Variants in RMND5B observed in about 807,000 individuals in gnomAD.
The protein encoded by RMND5B is required for meiotic nuclear division 5 homolog B, also known as E3 ubiquitin-protein transferase RMND5B.
RMND5B carries 42 observed loss-of-function variants against 50.4 expected under a neutral mutation model. The ratio of observed to expected loss-of-function variants is 0.83; its 90% CI spans 0.65 to 1.08. RMND5B has a LOEUF of 1.08. Ranked by LOEUF, RMND5B falls within the 50% of genes least tolerant of loss-of-function variation. The pLI is 0.00. For synonymous variants in RMND5B, 220 were observed against 210.0 expected, an observed-to-expected ratio of 1.05 and a Z score of -0.41; for missense variants, 463 against 508.5, an observed-to-expected ratio of 0.91 and a Z score of 0.86.
intron 2 of RMND5B, among the ~76,000 whole-genome samples, chr5:178,132,553 TTACA>T (rs1156661244): frequency 2.0e-5 from 3 of 151,780 alleles, no homozygotes; most frequent in African/African-American, 7.2e-5. Flanking sequence ...CATGGACCAC[TTACA>T]TGTGTCATGA....
chr5:178,137,232 A>C lies in RMND5B; in HGVS notation c.-12-876A>C, dbSNP rs1240921843. Among the ~76,000 whole-genome samples, 1 of 152,306 alleles carries C rather than the reference A, an allele frequency of 6.6e-6. No individual in the cohort carries two copies. Among genetic ancestry groups the C allele is most frequent in the Non-Finnish European group, 1.5e-5 (1 of 68,032 alleles). On this transcript the variant is annotated intron_variant, in intron 2 of 10. Coordinates refer to ENST00000313386, the MANE Select transcript of RMND5B (RefSeq NM_022762.5). The surrounding 1 kb of genome is among the most constrained non-coding windows in gnomAD (Gnocchi z 4.4). The stretch of plus-strand genomic sequence containing the variant: ...GGTGTGCGGCGGGTGAGGGTGAGGC[A>C]GGAGTGCTGGGCAAGTCCGTCAGGC...
chr5:178,140,845 A>T (rs1271215895), intron 3 of RMND5B, among the ~76,000 whole-genome samples: 1 of 151,486 alleles, frequency 6.6e-6, no homozygotes, highest in Non-Finnish European at 1.5e-5. Context: ...AAAAAAAAGT[A>T]GTTTGTGGGG....
Position 178,148,544 on chromosome 5 carries a change from A to T in RMND5B, c.*512A>T, listed in dbSNP as rs1756170700. 6.0e-6 allele frequency: 1 copy of T among 165,874 alleles called. No homozygotes were observed. Among genetic ancestry groups the T allele is most frequent in the Non-Finnish European group, 1.3e-5 (1 of 76,446 alleles). 10.3% of individuals were successfully genotyped at this position (165,874 alleles called of 1,614,324 possible). ...ATGCCGTTGTTTTATAACTTTGAAC[A>T]AATGTATTTACTGCCCTTCTCATTT... is the stretch of plus-strand genomic sequence containing the variant. On this transcript the variant is annotated 3_prime_UTR_variant, in exon 11 of 11. Transcript: ENST00000313386.
intron 3 of RMND5B, among the ~76,000 whole-genome samples, chr5:178,139,093 G>A (rs2063527336): frequency 6.6e-6 from 1 of 151,982 alleles, no homozygotes; most frequent in South Asian, 2.1e-4. Context: ...CCGAGGTCAC[G>A]CCACTGCACT....
At chr5:178,133,963 T>C (rs1300857324) in intron 2 of RMND5B, among the ~76,000 whole-genome samples, 3 of 152,190 alleles carry the variant, frequency 2.0e-5, no homozygotes. Context: ...TCCACTCGCC[T>C]CGGCCTCCCA....
chr5:178,137,984 C>G lies in RMND5B; in HGVS notation c.-12-124C>G. On this transcript the variant is annotated intron_variant, in intron 2 of 10. Transcript: ENST00000313386. This position sits in a 1 kb window ranked among gnomAD's most constrained non-coding sequence, Gnocchi z 4.4. Reference sequence around the variant, plus strand: ...ATAGGTACATATATACATATATGTACAAAACATATAACATTGATACATGAT... The same window carrying G: ...ATAGGTACATATATACATATATGTAGAAAACATATAACATTGATACATGAT... 2 of 887,372 alleles carry G rather than the reference C, an allele frequency of 2.3e-6. No individual in the cohort carries two copies. Among genetic ancestry groups the G allele is most frequent in the Non-Finnish European group, 3.4e-6 (2 of 587,856 alleles). The allele number at this position is 887,372 out of a possible 1,614,324, so 55.0% of individuals were successfully genotyped here.
chr5:178,137,845 G>A lies in RMND5B; in HGVS notation c.-12-263G>A, dbSNP rs147813137. On this transcript the variant is annotated intron_variant, in intron 2 of 10. Coordinates refer to ENST00000313386, the MANE Select transcript of RMND5B (RefSeq NM_022762.5). The surrounding 1 kb of genome is among the most constrained non-coding windows in gnomAD (Gnocchi z 4.4). ...TAAGGCATGAAAAGAGTTGAAAATG[G>A]AATAATAATTTTCTCACCATGATTA... Among the ~76,000 whole-genome samples, 1 of 152,170 alleles carries A rather than the reference G, an allele frequency of 6.6e-6. No individual in the cohort carries two copies. Among genetic ancestry groups the A allele is most frequent in the East Asian group, 1.9e-4 (1 of 5,184 alleles).
At chr5:178,132,789 CA>C (rs58710080) in intron 2 of RMND5B, among the ~76,000 whole-genome samples, 1,922 of 38,922 alleles carry the variant, frequency 0.049, 7 homozygotes, top group Middle Eastern at 0.11. Context: ...CCCTGCCTCA[CA>C]AAAAAAAAAA....
Position 178,143,616 on chromosome 5 carries a change from T to C in RMND5B, c.427-11T>C. On this transcript the variant is annotated splice_polypyrimidine_tract_variant and intron_variant, in intron 5 of 10. Transcript: ENST00000313386. ...TTCCAGTGGTGGGATCTCTTCTCTC[T>C]CTCCTTGTAGGAATCAACGCTGAAT... 1.2e-6 allele frequency: 2 copies of C among 1,600,542 alleles called. No homozygotes were observed. The highest frequency in any genetic ancestry group is 1.7e-6 in the Non-Finnish European group (2 of 1,167,686).
intron 3 of RMND5B, among the ~76,000 whole-genome samples, chr5:178,140,133 C>T (rs1219053400): frequency 1.3e-5 from 2 of 152,168 alleles, no homozygotes; most frequent in African/African-American, 4.8e-5. Context: ...CAGTGCATCA[C>T]ACTGGAAGAC....
At chr5:178,145,435 G>A (rs547413885) in intron 7 of RMND5B, among the ~76,000 whole-genome samples, 3 of 150,816 alleles carry the variant, frequency 2.0e-5, no homozygotes, top group East Asian at 1.9e-4. Context: ...GCAGTGAACC[G>A]AGATTGTGCC....
At position 178,134,764 on chromosome 5, in the gene RMND5B, C is replaced by T. The variant is rs572802317; in HGVS notation, c.-12-3344C>T. ...GGTGGATCACTTGAGGCTAGGAGTT[C>T]GAGACCAGCCTGGCCAAAATGGCGA... On this transcript the variant is annotated intron_variant, in intron 2 of 10. Coordinates refer to ENST00000313386, the MANE Select transcript of RMND5B (RefSeq NM_022762.5). 2.6e-5 allele frequency among the ~76,000 whole-genome samples: 4 copies of T among 151,412 alleles called. No homozygotes were observed. The South Asian group carries it at 8.4e-4, about 32-fold the overall frequency.
At chr5:178,132,789 CAAAAAAA>C (rs58710080) in intron 2 of RMND5B, among the ~76,000 whole-genome samples, 599 of 38,878 alleles carry the variant, frequency 0.015, 6 homozygotes, top group African/African-American at 0.058. Context: ...CCCTGCCTCA[CAAAAAAA>C]AAAAAAAAAA....
intron 2 of RMND5B, chr5:178,136,367 G>A (rs1758621122): frequency 6.6e-6 from 1 of 152,212 alleles, no homozygotes; most frequent in Admixed American, 6.5e-5. Flanking sequence ...TCAGATAGGA[G>A]ACCCTGTTAT....
chr5:178,138,007 G>A lies in RMND5B; in HGVS notation c.-12-101G>A. 9.8e-7 allele frequency: 1 copy of A among 1,020,036 alleles called. No homozygotes were observed. The allele number at this position is 1,020,036 out of a possible 1,614,324, so 63.2% of individuals were successfully genotyped here. ...TACAAAACATATAACATTGATACAT[G>A]ATGTGGGAATGGTGAGAGGGATCTG... On this transcript the variant is annotated intron_variant, in intron 2 of 10. Transcript: ENST00000313386. The surrounding 1 kb of genome is among the most constrained non-coding windows in gnomAD (Gnocchi z 5.1).
intron 3 of RMND5B, among the ~76,000 whole-genome samples, chr5:178,140,686 C>G (rs549339230): frequency 6.6e-5 from 10 of 151,834 alleles, no homozygotes; most frequent in Admixed American, 4.6e-4. Flanking sequence ...AAAAATTAGC[C>G]GGGCATGGTG....
rs1756178835 is a variant in RMND5B, at chr5:178,148,752, A to C, written c.*720A>C. On this transcript the variant is annotated 3_prime_UTR_variant, in exon 11 of 11. Transcript: ENST00000313386. Reference sequence around the variant, plus strand: ...GAGCTTAGATGTCAGACCCCGGGCAAGGTGCTTTTACATATACCCATACCA... The same window carrying C: ...GAGCTTAGATGTCAGACCCCGGGCACGGTGCTTTTACATATACCCATACCA... 1 of 153,046 alleles carries C rather than the reference A, an allele frequency of 6.5e-6. No individual in the cohort carries two copies. Among genetic ancestry groups the C allele is most frequent in the African/African-American group, 2.4e-5 (1 of 41,458 alleles). 9.5% of individuals were successfully genotyped at this position (153,046 alleles called of 1,614,324 possible).
In RMND5B at chr5:178,138,071, G is replaced by C; in HGVS notation, c.-12-37G>C. 1 of 1,544,230 alleles carries C rather than the reference G, an allele frequency of 6.5e-7. No homozygotes were observed. The highest frequency in any genetic ancestry group is 8.7e-7 in the Non-Finnish European group (1 of 1,144,562). ...GGCACCCTGCCTGCCATGCCACCGT[G>C]GCCCAGATGGGGCCTGACCCAGCTG... On this transcript the variant is annotated intron_variant, in intron 2 of 10. Coordinates refer to ENST00000313386, the MANE Select transcript of RMND5B (RefSeq NM_022762.5). The surrounding 1 kb of genome is among the most constrained non-coding windows in gnomAD (Gnocchi z 5.1).
In RMND5B at chr5:178,142,675, G is replaced by A. The variant is rs780811441; in HGVS notation, c.232G>A (p.Asp78Asn). ...IKDTVQKLAS[D>N]HKDIHSSVSR... ...AGATACGGTGCAGAAACTGGCTTCGGACCATAAGGACATTCACAGCAGTGT... is the reference window on the plus strand; with the variant it reads ...AGATACGGTGCAGAAACTGGCTTCGAACCATAAGGACATTCACAGCAGTGT... The change falls in exon 4 of 11, where the codon GAC (aspartate) becomes AAC (asparagine). Residue 78 changes from aspartate to asparagine, a missense_variant. Physicochemically the swap from Asp to Asn is conservative, Grantham distance 23 (BLOSUM62 1). Transcript: ENST00000313386. 2 of 1,614,188 alleles carry A rather than the reference G, an allele frequency of 1.2e-6. No individual in the cohort carries two copies. Among genetic ancestry groups the A allele is most frequent in the East Asian group, 4.5e-5 (2 of 44,888 alleles).
Sources: allele counts gnomAD v4.1 joint callset (sites outside exome capture counted in the v4.1 genomes callset), GRCh38; gene constraint gnomAD v4.1.1; non-coding constraint Gnocchi (gnomAD v3.1); transcripts MANE v1.5; gene names NCBI Gene and HGNC (gene_info 2026-07-23, HGNC 2026-07-21).